Variants in MANBA observed in about 807,000 individuals in gnomAD.
MANBA encodes mannosidase beta.
A neutral mutation model predicts 111.1 loss-of-function variants in MANBA; 83 were observed. That is an observed-to-expected ratio of 0.75 (90% CI 0.63 to 0.90). The LOEUF (loss-of-function observed/expected upper bound fraction) is 0.90. Ranked by LOEUF, MANBA falls within the 40% of genes least tolerant of loss-of-function variation. The pLI is 0.00. For missense variants in MANBA, 1,036 were observed against 1,069.0 expected (o/e 0.97, Z 0.43); for synonymous variants, 370 against 378.7 (o/e 0.98, Z 0.27).
intron 11 of MANBA, among the ~76,000 whole-genome samples, chr4:102,663,815 CA>C (rs1560757348): frequency 1.3e-5 from 2 of 152,018 alleles, no homozygotes; most frequent in East Asian, 3.9e-4. Flanking sequence ...CTTTTGAAGG[CA>C]TTACTGAAAA....
chr4:102,721,330 A>C, intron 4 of MANBA, among the ~76,000 whole-genome samples: 1 of 130,968 alleles, frequency 7.6e-6, no homozygotes, highest in South Asian at 2.3e-4. Context: ...TCTCAAATAC[A>C]TAAATAAATA....
At chr4:102,730,095 G>A (rs1722974901) in intron 1 of MANBA, 8 of 976,046 alleles carry the variant, frequency 8.2e-6, no homozygotes, top group Middle Eastern at 2.3e-4. Context: ...GGGCCCACTT[G>A]TGTAGGAGTG....
At chr4:102,697,381 G>C (rs947402548) in intron 5 of MANBA, among the ~76,000 whole-genome samples, 8 of 151,628 alleles carry the variant, frequency 5.3e-5, no homozygotes, top group African/African-American at 1.7e-4. Context: ...TATACTTTAA[G>C]TTTTAGGGTA....
chr4:102,688,636 T>A (rs13112128), intron 7 of MANBA, among the ~76,000 whole-genome samples: 91,032 of 151,974 alleles, frequency 0.6, 28,268 homozygotes, highest in South Asian at 0.79. Context: ...ACTAACTATA[T>A]GCCATGACTC....
At chr4:102,653,539 C>G (rs1327888404) in intron 12 of MANBA, among the ~76,000 whole-genome samples, 1 of 151,936 alleles carries the variant, frequency 6.6e-6, no homozygotes, top group Non-Finnish European at 1.5e-5. Context: ...ATAAAAGAGC[C>G]AAAGTTTTAT....
rs181341440 is a variant in MANBA at position 102,725,070 on chromosome 4, G to A, written c.273-1103C>T. ...AGTAAATTAGTGGTTCCTAGGGCTG[G>A]GGTAAGAATTCAGGGGCAGGAGGAG... On this transcript the variant is annotated intron_variant, in intron 2 of 16. Coordinates refer to ENST00000647097, the MANE Select transcript of MANBA (RefSeq NM_005908.4). Among the ~76,000 whole-genome samples, 1,313 of 152,188 alleles carry A rather than the reference G, an allele frequency of 8.6e-3. 12 individuals are homozygous for A. Among genetic ancestry groups the A allele is most frequent in the African/African-American group, 0.028 (1,173 of 41,506 alleles).
intron 1 of MANBA, among the ~76,000 whole-genome samples, chr4:102,744,005 G>A (rs1468602541): frequency 6.6e-6 from 1 of 152,228 alleles, no homozygotes; most frequent in Non-Finnish European, 1.5e-5. Flanking sequence ...GGTCCAAGTG[G>A]CAGAGCAGCT....
chr4:102,723,134 T>C, intron 3 of MANBA, 93 bp from the exon 4 acceptor site: 2 of 1,115,322 alleles, frequency 1.8e-6, no homozygotes, highest in Non-Finnish European at 2.7e-6. Context: ...GAAAGACACA[T>C]AATATAATGC....
At chr4:102,672,177 G>C (rs1337506171) in intron 8 of MANBA, 1 of 398,086 alleles carries the variant, frequency 2.5e-6, no homozygotes, top group Non-Finnish European at 4.4e-6. Context: ...TAAAGTAAAA[G>C]GAAATTACTA....
At chr4:102,708,975 T>C (rs888438389) in intron 5 of MANBA, among the ~76,000 whole-genome samples, 1 of 151,728 alleles carries the variant, frequency 6.6e-6, no homozygotes, top group African/African-American at 2.4e-5. Flanking sequence ...CTGAAAAACA[T>C]AGAGAAAATA....
chr4:102,759,545 C>T (rs1724154898), intron 1 of MANBA, among the ~76,000 whole-genome samples: 1 of 147,398 alleles, frequency 6.8e-6, no homozygotes, highest in Admixed American at 6.8e-5. Context: ...ACATTCACCT[C>T]CTTTCTGATA....
At chr4:102,704,253 C>T (rs183507418) in intron 5 of MANBA, among the ~76,000 whole-genome samples, 4 of 152,268 alleles carry the variant, frequency 2.6e-5, no homozygotes, top group Admixed American at 6.5e-5. Context: ...TCTGTCTAGG[C>T]AGCAGGCAAG....
At chr4:102,716,485 AG>A (rs1043863011) in intron 4 of MANBA, among the ~76,000 whole-genome samples, 1 of 152,140 alleles carries the variant, frequency 6.6e-6, no homozygotes, top group African/African-American at 2.4e-5. Flanking sequence ...CCCCTGAAAC[AG>A]GTGGCCAAGG....
chr4:102,718,909 GAGTA>G (rs1722456307), intron 4 of MANBA, among the ~76,000 whole-genome samples: 1 of 152,142 alleles, frequency 6.6e-6, no homozygotes, highest in South Asian at 2.1e-4. Context: ...TACAAACAGG[GAGTA>G]AGTCACAAAG....
At chr4:102,705,450 G>A (rs1320230212) in intron 5 of MANBA, among the ~76,000 whole-genome samples, 1 of 152,130 alleles carries the variant, frequency 6.6e-6, no homozygotes, top group Non-Finnish European at 1.5e-5. Context: ...GTGTAGCCAG[G>A]CACTGCTGCT....
intron 1 of MANBA, among the ~76,000 whole-genome samples, chr4:102,758,543 CT>C (rs977932055): frequency 8.7e-5 from 13 of 149,402 alleles, no homozygotes; most frequent in African/African-American, 2.4e-4. Flanking sequence ...TGCTTCTTTA[CT>C]TTTTTTCTTT....
At chr4:102,719,677 T>C (rs761363295) in intron 4 of MANBA, among the ~76,000 whole-genome samples, 10 of 152,226 alleles carry the variant, frequency 6.6e-5, no homozygotes, top group South Asian at 2.1e-4. Context: ...CTTTACAACA[T>C]GCAAAGTGCA....
intron 12 of MANBA, 178 bp from the exon 13 acceptor site, chr4:102,650,879 C>T (rs897025257): frequency 9.6e-5 from 57 of 594,434 alleles, no homozygotes; most frequent in Admixed American, 5.5e-4. Flanking sequence ...AAGGACTAGC[C>T]TTGTGGAAAC....
chr4:102,641,717 T>C (rs75555395), intron 13 of MANBA, among the ~76,000 whole-genome samples: 1 of 152,210 alleles, frequency 6.6e-6, no homozygotes, highest in East Asian at 1.9e-4. Context: ...ATCTGCAAGA[T>C]ATATTTATTT....
Sources: allele counts gnomAD v4.1 joint callset (sites outside exome capture counted in the v4.1 genomes callset), GRCh38; gene constraint gnomAD v4.1.1; transcripts MANE v1.5; gene names NCBI Gene and HGNC (gene_info 2026-07-23, HGNC 2026-07-21).